Variants in TIMM23B observed in about 807,000 individuals in gnomAD.
TIMM23B encodes mitochondrial import inner membrane translocase subunit Tim23B.
In TIMM23B, 27 loss-of-function variants were observed where a neutral mutation model predicts 27.3. That is an observed-to-expected ratio of 0.99 (90% CI 0.73 to 1.36). The LOEUF is 1.36. Ranked by LOEUF, TIMM23B falls within the 40% of genes most tolerant of loss-of-function variation. The pLI is 0.00. For missense variants in TIMM23B, 205 were observed against 244.2 expected (o/e 0.84, Z 1.07); for synonymous variants, 73 against 92.4 (o/e 0.79, Z 1.21).
At chr10:49,956,469 GTA>G (rs1210457972) in intron 5 of TIMM23B, among the ~76,000 whole-genome samples, 2,606 of 88,054 alleles carry the variant, frequency 0.03, 248 homozygotes, top group Middle Eastern at 0.061. Flanking sequence ...GTGTGTGTGT[GTA>G]TGTGTGTCTT....
At chr10:49,954,915 A>G in intron 4 of TIMM23B, 87 bp from the exon 5 acceptor site, 3 of 1,523,784 alleles carry the variant, frequency 2.0e-6, no homozygotes, top group Non-Finnish European at 2.7e-6. Context: ...CTGGGTCTAG[A>G]CATGTTAAAT....
intron 4 of TIMM23B, among the ~76,000 whole-genome samples, chr10:49,954,036 G>A (rs1400872477): frequency 0.07 from 10,623 of 152,220 alleles, 522 homozygotes; most frequent in African/African-American, 0.12. Flanking sequence ...CTTAAAATAC[G>A]TTAGTAAATA....
chr10:49,943,528 T>A (rs1353758680), intron 1 of TIMM23B, among the ~76,000 whole-genome samples: 1 of 152,058 alleles, frequency 6.6e-6, no homozygotes, highest in Non-Finnish European at 1.5e-5. Flanking sequence ...CTACTTTACC[T>A]GTTTAGAACA....
chr10:49,969,996 G>A, intron 6 of TIMM23B: 1 of 168,900 alleles, frequency 5.9e-6, no homozygotes. Flanking sequence ...GTTTCGCCAT[G>A]TTGGCCGGGC....
At chr10:49,957,095 T>C (rs1839749161) in intron 5 of TIMM23B, among the ~76,000 whole-genome samples, 1 of 151,788 alleles carries the variant, frequency 6.6e-6, no homozygotes, top group Non-Finnish European at 1.5e-5. Flanking sequence ...TGGATACTTC[T>C]GATGCTGATC....
Position 49,958,399 on chromosome 10 carries a change from A to T in TIMM23B, c.433A>T (p.Ile145Phe). The T allele has an allele frequency of 6.2e-7, 1 of 1,613,908 alleles. No homozygotes were observed. The highest frequency in any genetic ancestry group is 8.5e-7 in the Non-Finnish European group (1 of 1,179,828). The change falls in exon 6 of 7, where the codon ATT becomes TTT. Residue 145 changes from isoleucine (I) to phenylalanine (F), a missense_variant. Coordinates refer to ENST00000651259, the MANE Select transcript of TIMM23B (RefSeq NM_001290117.2). ...ALLYSAFGVI[I>F]EKTRGAEDDL... The stretch of plus-strand genomic sequence containing the variant: ...GCTCTATAGTGCATTTGGTGTCATC[A>T]TTGAGAAAACACGAGGTGCAGAAGA...
chr10:49,944,149 G>C (rs1839280846), intron 1 of TIMM23B, among the ~76,000 whole-genome samples: 1 of 152,204 alleles, frequency 6.6e-6, no homozygotes, highest in African/African-American at 2.4e-5. Flanking sequence ...GTAGGATTTT[G>C]TAAGTTATGG....
At chr10:49,951,702 T>C (rs1335983434) in intron 2 of TIMM23B, among the ~76,000 whole-genome samples, 1 of 152,204 alleles carries the variant, frequency 6.6e-6, no homozygotes, top group Non-Finnish European at 1.5e-5. Context: ...ACTTTATTAG[T>C]TTTTGCTCAT....
chr10:49,957,648 A>G (rs1839770422), intron 5 of TIMM23B, among the ~76,000 whole-genome samples: 1 of 152,054 alleles, frequency 6.6e-6, no homozygotes, highest in Non-Finnish European at 1.5e-5. Flanking sequence ...CTTTCATTTC[A>G]CTGGAGTTGG....
intron 6 of TIMM23B, among the ~76,000 whole-genome samples, chr10:49,958,984 A>G (rs1286070155): frequency 6.6e-6 from 1 of 152,170 alleles, no homozygotes; most frequent in Non-Finnish European, 1.5e-5. Flanking sequence ...TATGTGTACC[A>G]CATTTTGCAT....
chr10:49,947,631 T>TAAAG (rs1314735248), intron 2 of TIMM23B, among the ~76,000 whole-genome samples: 2 of 149,450 alleles, frequency 1.3e-5, no homozygotes, highest in East Asian at 2.0e-4. Flanking sequence ...AATAAATAAA[T>TAAAG]AAAGAATGGA....
At position 49,968,789 on chromosome 10, in the gene TIMM23B, T is replaced by C. The variant is rs565959016; in HGVS notation, c.515-4223T>C. 1.3e-3 allele frequency among the ~76,000 whole-genome samples: 197 copies of C among 152,126 alleles called. 2 individuals carry two copies. The highest frequency in any genetic ancestry group is 2.6e-3 in the Admixed American group (39 of 15,256). ...GGCAAGGCTTGCAGTGAGCCGAGAT[T>C]GCACCACTGCACTCCAGCCTGGGCC... On this transcript the variant is annotated intron_variant, in intron 6 of 6. Coordinates refer to ENST00000651259, the MANE Select transcript of TIMM23B (RefSeq NM_001290117.2).
At chr10:49,948,823 T>C (rs1839431571) in intron 2 of TIMM23B, among the ~76,000 whole-genome samples, 1 of 152,180 alleles carries the variant, frequency 6.6e-6, no homozygotes, top group Non-Finnish European at 1.5e-5. Context: ...AACCACTGAA[T>C]TGTACACTCT....
At chr10:49,944,305 AAC>A (rs1839287183) in intron 1 of TIMM23B, among the ~76,000 whole-genome samples, 2 of 152,356 alleles carry the variant, frequency 1.3e-5, no homozygotes, top group East Asian at 1.9e-4. Context: ...GAAGATAAGT[AAC>A]ACAATTCAAA....
chr10:49,956,104 G>C lies in TIMM23B; in HGVS notation c.403+1044G>C, dbSNP rs1306025870. ...TGGTCACCCTCTGTGTACCCATTGT[G>C]GTATGATCAAGAAGGATGTTCTGCT... On this transcript the variant is annotated intron_variant, in intron 5 of 6. Coordinates refer to ENST00000651259, the MANE Select transcript of TIMM23B (RefSeq NM_001290117.2). Among the ~76,000 whole-genome samples the C allele has an allele frequency of 1.0e-3, 145 of 142,330 alleles. 1 individual carries two copies. The highest frequency in any genetic ancestry group is 3.7e-3 in the African/African-American group (140 of 38,096). The allele number at this position is 142,330 out of a possible 152,430, so 93.4% of individuals were successfully genotyped here. A position where few individuals can be genotyped will look rare whatever the true frequency, so the allele number is the denominator to read the frequency against.
At chr10:49,942,780 T>A (rs1414005101) in intron 1 of TIMM23B, among the ~76,000 whole-genome samples, 2 of 147,100 alleles carry the variant, frequency 1.4e-5, no homozygotes, top group African/African-American at 5.4e-5. Flanking sequence ...TAGGAAACCT[T>A]CTTTAGGAGC....
At chr10:49,969,796 C>T (rs868908109) in intron 6 of TIMM23B, among the ~76,000 whole-genome samples, 13 of 152,110 alleles carry the variant, frequency 8.5e-5, no homozygotes, top group Middle Eastern at 6.8e-3. Flanking sequence ...CCTCTCCCCA[C>T]GGTCTCCCTC....
Position 49,973,876 on chromosome 10 carries a change from A to G in TIMM23B, c.*812A>G, listed in dbSNP as rs1840554626. On this transcript the variant is annotated 3_prime_UTR_variant, in exon 7 of 7. Coordinates refer to ENST00000651259, the MANE Select transcript of TIMM23B (RefSeq NM_001290117.2). Reference sequence around the variant, plus strand: ...TGGAGTGCAGTGGTGCTCTCAGCTCACTGCAACCTCTGCCTCCCGGCTTCA... The same window carrying G: ...TGGAGTGCAGTGGTGCTCTCAGCTCGCTGCAACCTCTGCCTCCCGGCTTCA... The G allele has an allele frequency of 7.1e-6, 1 of 140,106 alleles. No homozygotes were observed. The highest frequency in any genetic ancestry group is 1.5e-5 in the Non-Finnish European group (1 of 65,464). 8.7% of individuals were successfully genotyped at this position (140,106 alleles called of 1,614,324 possible).
intron 2 of TIMM23B, among the ~76,000 whole-genome samples, chr10:49,951,745 A>G (rs1160388306): frequency 6.6e-6 from 1 of 152,188 alleles, no homozygotes; most frequent in Non-Finnish European, 1.5e-5. Flanking sequence ...ACATAGAAAA[A>G]TGCACAATAA....
Sources: allele counts gnomAD v4.1 joint callset (sites outside exome capture counted in the v4.1 genomes callset), GRCh38; gene constraint gnomAD v4.1.1; transcripts MANE v1.5; gene names NCBI Gene and HGNC (gene_info 2026-07-23, HGNC 2026-07-21).